The following ZNF311 variants were observed in gnomAD, a reference collection of about 807,000 sequenced individuals.
The protein encoded by ZNF311 is zinc finger protein 311.
ZNF311 carries 14 observed loss-of-function variants against 22.7 expected under a neutral mutation model. The ratio of observed to expected loss-of-function variants is 0.62; its 90% CI spans 0.41 to 0.96. The LOEUF (loss-of-function observed/expected upper bound fraction) is 0.96. Among genes scored for constraint, ZNF311 ranks in the 40% least tolerant of loss-of-function variants. The probability of loss-of-function intolerance (pLI) is 0.00; values close to 1 mark genes in which losing one functional copy is unlikely to be tolerated. For missense variants in ZNF311, 731 were observed against 799.0 expected (o/e 0.91, Z 1.03); for synonymous variants, 250 against 275.3 (o/e 0.91, Z 0.91).
intron 3 of ZNF311, among the ~76,000 whole-genome samples, chr6:29,001,489 C>T (rs1780445228): frequency 6.6e-6 from 1 of 152,178 alleles, no homozygotes; most frequent in South Asian, 2.1e-4. Context: ...CTCCGAGCTC[C>T]TTTATAACTG....
At chr6:29,003,635 G>A (rs1780761002) in intron 2 of ZNF311, 41 bp from the exon 3 acceptor site, 1 of 1,605,438 alleles carries the variant, frequency 6.2e-7, no homozygotes, top group African/African-American at 1.3e-5. Context: ...AGTTATGAAG[G>A]TGAGAAAAAT....
rs1780774470 is a variant in ZNF311, at chr6:29,003,726, T to C, written c.10-132A>G. 4 of 1,394,344 alleles carry C rather than the reference T, an allele frequency of 2.9e-6. No individual in the cohort carries two copies. In the South Asian group the frequency reaches 4.9e-5, roughly 17 times the overall value. The allele number at this position is 1,394,344 out of a possible 1,614,324, so 86.4% of individuals were successfully genotyped here. A position where few individuals can be genotyped will look rare whatever the true frequency, so the allele number is the denominator to read the frequency against. On this transcript the variant is annotated intron_variant, in intron 2 of 6. Transcript: ENST00000377179. ...AATACCAAAAGAAGGGAGAAAATAA[T>C]GGACTCAGTTCCTAATACCTTATGA...
chr6:29,002,499 A>G (rs1215434560), intron 3 of ZNF311, among the ~76,000 whole-genome samples: 1 of 152,172 alleles, frequency 6.6e-6, no homozygotes, highest in East Asian at 1.9e-4. Flanking sequence ...GGTAGCATAT[A>G]CTAAAAAGCT....
chr6:28,995,437 G>A lies in ZNF311; in HGVS notation c.1565C>T (p.Thr522Ile), dbSNP rs2150638965. ...HCLTIHQRIH[T>I]GEKPYKCLEC... The stretch of plus-strand genomic sequence containing the variant: ...TAAACATTTGTAAGGTTTCTCTCCA[G>A]TGTGGATTCTCTGATGGATGGTAAG... The change falls in exon 7 of 7, where the codon ACT (threonine) becomes ATT (isoleucine). Residue 522 changes from threonine to isoleucine, a missense_variant. Thr to Ile is a moderately conservative substitution (Grantham distance 89). Transcript: ENST00000377179. This position sits in a 1 kb window ranked among gnomAD's most constrained non-coding sequence, Gnocchi z 4.7. The A allele has an allele frequency of 6.2e-7, 1 of 1,613,318 alleles. No homozygotes were observed. Among genetic ancestry groups the A allele is most frequent in the Middle Eastern group, 1.7e-4 (1 of 6,050 alleles).
chr6:29,000,509 C>T (rs1780303547), intron 3 of ZNF311, among the ~76,000 whole-genome samples: 1 of 152,180 alleles, frequency 6.6e-6, no homozygotes, highest in Non-Finnish European at 1.5e-5. Flanking sequence ...TGAACAGAAG[C>T]ATCCAGGGAT....
chr6:29,003,464 T>C, intron 3 of ZNF311, 49 bp downstream of exon 3: 1 of 1,581,156 alleles, frequency 6.3e-7, no homozygotes, highest in East Asian at 2.2e-5. Flanking sequence ...GTGTCCTTAC[T>C]ACATTCTCAG....
intron 4 of ZNF311, 87 bp from the exon 5 acceptor site, chr6:28,999,700 A>G: frequency 6.6e-7 from 1 of 1,508,254 alleles, no homozygotes; most frequent in South Asian, 1.3e-5. Flanking sequence ...TGCAAGGAGG[A>G]GGTTTATAGA....
chr6:29,000,402 T>C (rs1322224686), intron 3 of ZNF311, among the ~76,000 whole-genome samples: 4 of 152,204 alleles, frequency 2.6e-5, no homozygotes, highest in Admixed American at 1.3e-4. Flanking sequence ...CTTCCTGTAT[T>C]TGAATACTGA....
chr6:28,995,876 T>C lies in ZNF311; in HGVS notation c.1126A>G (p.Ile376Val), dbSNP rs746691639. 14 of 1,613,884 alleles carry C rather than the reference T, an allele frequency of 8.7e-6. No individual in the cohort carries two copies. Among genetic ancestry groups the C allele is most frequent in the Non-Finnish European group, 1.1e-5 (13 of 1,180,020 alleles). The change falls in exon 7 of 7, where the codon ATC becomes GTC. Residue 376 changes from isoleucine (I) to valine (V), a missense_variant. Physicochemically the swap from Ile to Val is conservative, Grantham distance 29 (BLOSUM62 3). Coordinates refer to ENST00000377179, the MANE Select transcript of ZNF311 (RefSeq NM_001382360.1). The surrounding 1 kb of genome is among the most constrained non-coding windows in gnomAD (Gnocchi z 4.7). ...TCCCCAGTGTGGATTCTGCCATGGA[T>C]GGTAAGGGAATGCTTAAACTGGAAG... ...KAFQFKHSLTIHGRIHTGEKP... is the reference protein window; with the variant it reads ...KAFQFKHSLTVHGRIHTGEKP...
intron 6 of ZNF311, 83 bp downstream of exon 6, chr6:28,998,651 G>A (rs1028564634): frequency 2.1e-6 from 2 of 957,020 alleles, no homozygotes; most frequent in South Asian, 1.8e-5. Flanking sequence ...CCCTTCGACT[G>A]GATGATCCAC....
intron 5 of ZNF311, 53 bp downstream of exon 5, chr6:28,999,433 AT>A (rs1780114950): frequency 3.4e-6 from 5 of 1,489,404 alleles, no homozygotes; most frequent in Non-Finnish European, 4.5e-6. Flanking sequence ...AAATAAATCA[AT>A]TAAATAATAA....
Position 28,995,229 on chromosome 6 carries a change from G to A in ZNF311, c.1773C>T (p.Ser591=). 2 of 1,614,076 alleles carry A rather than the reference G, an allele frequency of 1.2e-6. No individual in the cohort carries two copies. Among genetic ancestry groups the A allele is most frequent in the South Asian group, 2.2e-5 (2 of 91,084 alleles). ...KPYTCSECGT[S]FRQGSALIGH... Reference sequence around the variant, plus strand: ...CAATCAGAGCTGAGCCCTGACGGAAGGACGTGCCACACTCACTGCAGGTGT... The same window carrying A: ...CAATCAGAGCTGAGCCCTGACGGAAAGACGTGCCACACTCACTGCAGGTGT... Residue 591 remains serine (S), a synonymous_variant, in exon 7 of 7, where the codon TCC becomes TCT. Coordinates refer to ENST00000377179, the MANE Select transcript of ZNF311 (RefSeq NM_001382360.1). This position sits in a 1 kb window ranked among gnomAD's most constrained non-coding sequence, Gnocchi z 4.7.
In ZNF311 at chr6:29,005,299, G is replaced by A. The variant is rs548383142; in HGVS notation, c.-552C>T. The A allele has an allele frequency of 7.1e-6, 1 of 140,456 alleles. No individual in the cohort carries two copies. Among genetic ancestry groups the A allele is most frequent in the East Asian group, 2.1e-4 (1 of 4,710 alleles). 8.7% of individuals were successfully genotyped at this position (140,456 alleles called of 1,614,324 possible). A position where few individuals can be genotyped will look rare whatever the true frequency, so the allele number is the denominator to read the frequency against. ...AAAAGAATGGGTCAGGAGGCGACAA[G>A]AGCAAGACTCCGGTCTCAAAAAAAA... On this transcript the variant is annotated 5_prime_UTR_variant, in exon 1 of 7. Transcript: ENST00000377179.
Position 28,996,350 on chromosome 6 carries a change from C to T in ZNF311, c.652G>A (p.Gly218Arg). 6.2e-7 allele frequency: 1 copy of T among 1,612,354 alleles called. No individual in the cohort carries two copies. The highest frequency in any genetic ancestry group is 8.5e-7 in the Non-Finnish European group (1 of 1,179,992). Residue 218 changes from glycine (G) to arginine (R), a missense_variant, in exon 7 of 7, where the codon GGA (glycine) becomes AGA (arginine). Transcript: ENST00000377179. ...EGSEEVTCKK[G>R]KNQKVLSKNL... The stretch of plus-strand genomic sequence containing the variant: ...TTACTAAGCACTTTCTGGTTCTTTC[C>T]TTTTTTGCAGGTCACTTCCTCAGAG...
chr6:29,002,969 G>A (rs1780656635), intron 3 of ZNF311, among the ~76,000 whole-genome samples: 1 of 151,978 alleles, frequency 6.6e-6, no homozygotes, highest in South Asian at 2.1e-4. Flanking sequence ...CCTCACATAC[G>A]CCACCAAAGA....
chr6:28,994,870 G>T lies in ZNF311; in HGVS notation c.*131C>A. The stretch of plus-strand genomic sequence containing the variant: ...TGCTCACTGAAAAAATAGTGAATAA[G>T]AAGGTAAAGGACAATGTCTTTGGGG... On this transcript the variant is annotated 3_prime_UTR_variant, in exon 7 of 7. Transcript: ENST00000377179. 1 of 1,036,042 alleles carries T rather than the reference G, an allele frequency of 9.7e-7. No homozygotes were observed. The highest frequency in any genetic ancestry group is 1.3e-6 in the Non-Finnish European group (1 of 743,202). 64.2% of individuals were successfully genotyped at this position (1,036,042 alleles called of 1,614,324 possible). A position where few individuals can be genotyped will look rare whatever the true frequency, so the allele number is the denominator to read the frequency against.
chr6:28,997,997 C>A (rs553920207), intron 6 of ZNF311, among the ~76,000 whole-genome samples: 1 of 152,044 alleles, frequency 6.6e-6, no homozygotes, highest in Non-Finnish European at 1.5e-5. Context: ...TGAACCTCCC[C>A]AAAGCTATTC....
At chr6:28,997,037 C>T (rs1002034358) in intron 6 of ZNF311, among the ~76,000 whole-genome samples, 1 of 152,200 alleles carries the variant, frequency 6.6e-6, no homozygotes, top group Non-Finnish European at 1.5e-5. Context: ...TGTTATGTGA[C>T]TCAGCCCATC....
In ZNF311 at chr6:28,994,963, G is replaced by C; in HGVS notation, c.*38C>G. The C allele has an allele frequency of 1.3e-6, 2 of 1,539,704 alleles. No homozygotes were observed. Among genetic ancestry groups the C allele is most frequent in the Non-Finnish European group, 1.7e-6 (2 of 1,147,580 alleles). Reference sequence around the variant, plus strand: ...AAGAGACAGAAGGACCAGCCTAAGAGGTAGGAAAAACAGAAAGTAACACCA... The same window carrying C: ...AAGAGACAGAAGGACCAGCCTAAGACGTAGGAAAAACAGAAAGTAACACCA... On this transcript the variant is annotated 3_prime_UTR_variant, in exon 7 of 7. Coordinates refer to ENST00000377179, the MANE Select transcript of ZNF311 (RefSeq NM_001382360.1).
Sources: allele counts gnomAD v4.1 joint callset (sites outside exome capture counted in the v4.1 genomes callset), GRCh38; gene constraint gnomAD v4.1.1; non-coding constraint Gnocchi (gnomAD v3.1); transcripts MANE v1.5; gene names NCBI Gene and HGNC (gene_info 2026-07-23, HGNC 2026-07-21).